SH3KBP1: variants seen among roughly 807,000 people sequenced by gnomAD.
SH3KBP1 encodes SH3 domain containing kinase binding protein 1, also known as SH3 domain-containing kinase-binding protein 1.
A neutral mutation model predicts 50.1 loss-of-function variants in SH3KBP1; 8 were observed. That is an observed-to-expected ratio of 0.16 (90% confidence interval 0.09 to 0.29). The LOEUF (loss-of-function observed/expected upper bound fraction) is 0.29, where lower values mean the gene tolerates loss of function less well. Ranked by LOEUF, SH3KBP1 falls within the 10% of genes least tolerant of loss-of-function variation. SH3KBP1 has a pLI of 1.00. For synonymous variants in SH3KBP1, 227 were observed against 218.6 expected, an observed-to-expected ratio of 1.04 and a Z score of -0.34; for missense variants, 377 against 535.2, an observed-to-expected ratio of 0.70 and a Z score of 2.92.
intron 6 of SH3KBP1, among the ~76,000 whole-genome samples, chrX:19,671,371 A>AACACACACACACACACACAC (rs745414505): frequency 9.8e-6 from 1 of 101,890 alleles, no homozygotes; most frequent in Non-Finnish European, 2.0e-5. Context: ...ATTACTCATA[A>AACACACACACACACACACAC]ACACACACAC....
chrX:19,809,455 C>T (rs754344686), intron 2 of SH3KBP1, among the ~76,000 whole-genome samples: 48 of 109,716 alleles, frequency 4.4e-4, no homozygotes, highest in Non-Finnish European at 6.8e-4. Flanking sequence ...ACCCGGGAGG[C>T]GGAGGTTGCA....
intron 2 of SH3KBP1, among the ~76,000 whole-genome samples, chrX:19,748,407 C>T (rs1023738226): frequency 1.8e-5 from 2 of 111,246 alleles, no homozygotes; most frequent in Non-Finnish European, 3.8e-5. Flanking sequence ...AAGGCTCACC[C>T]CTACTCCCCA....
At chrX:19,746,188 A>C in intron 3 of SH3KBP1, 130 bp downstream of exon 3, 1 of 766,303 alleles carries the variant, frequency 1.3e-6, no homozygotes, top group Non-Finnish European at 1.9e-6. Context: ...GTGTATCCAA[A>C]ATATATACCA....
intron 1 of SH3KBP1, among the ~76,000 whole-genome samples, chrX:19,838,312 A>C (rs1015639816): frequency 7.1e-5 from 8 of 112,388 alleles, no homozygotes; most frequent in Non-Finnish European, 1.5e-4. Flanking sequence ...CCAGAGGGAC[A>C]GTGGAATCAA....
At chrX:19,679,449 A>G (rs1341634583) in intron 6 of SH3KBP1, among the ~76,000 whole-genome samples, 1 of 112,146 alleles carries the variant, frequency 8.9e-6, no homozygotes, top group Non-Finnish European at 1.9e-5. Context: ...GCTGAGGCCA[A>G]CTTCATCGAG....
At chrX:19,590,625 T>C (rs751928364) in intron 11 of SH3KBP1, among the ~76,000 whole-genome samples, 2 of 107,920 alleles carry the variant, frequency 1.9e-5, no homozygotes, top group African/African-American at 6.7e-5. Context: ...GAGGGTGGTG[T>C]CTGGTTATTT....
At chrX:19,568,354 A>C (rs2065910508) in intron 13 of SH3KBP1, among the ~76,000 whole-genome samples, 1 of 112,235 alleles carries the variant, frequency 8.9e-6, no homozygotes, top group Admixed American at 9.4e-5. Context: ...AAAGCAGGTC[A>C]TTTTCCTCTT....
chrX:19,735,289 G>T (rs773388464), intron 3 of SH3KBP1, among the ~76,000 whole-genome samples: 2 of 110,527 alleles, frequency 1.8e-5, no homozygotes, highest in Non-Finnish European at 3.8e-5. Flanking sequence ...ATAGTTTTTC[G>T]ATTCTCTATT....
At chrX:19,701,170 G>A (rs1445268827) in intron 4 of SH3KBP1, among the ~76,000 whole-genome samples, 1 of 111,467 alleles carries the variant, frequency 9.0e-6, no homozygotes, top group Non-Finnish European at 1.9e-5. Flanking sequence ...AAATTCCTAA[G>A]TGAGTCCAAT....
At chrX:19,627,784 C>T (rs2061491017) in intron 8 of SH3KBP1, among the ~76,000 whole-genome samples, 1 of 112,104 alleles carries the variant, frequency 8.9e-6, no homozygotes, top group Non-Finnish European at 1.9e-5. Context: ...CCTGCTACAG[C>T]ACAGAAAAGC....
chrX:19,595,019 T>C lies in SH3KBP1; in HGVS notation c.1006-19A>G. ...TGGGTCTCTGAAAAATTAATAAAAA[T>C]TATACCACATGAGATTGTTGGCAAG... is the stretch of plus-strand genomic sequence containing the variant. On this transcript the variant is annotated intron_variant, in intron 9 of 17. Transcript: ENST00000397821. The C allele has an allele frequency of 8.9e-7, 1 of 1,120,161 alleles. No homozygotes were observed. The highest frequency in any genetic ancestry group is 1.2e-6 in the Non-Finnish European group (1 of 812,085). 92.3% of individuals were successfully genotyped at this position (1,120,161 alleles called of 1,213,427 possible).
intron 6 of SH3KBP1, among the ~76,000 whole-genome samples, chrX:19,682,820 T>C (rs1336393790): frequency 9.3e-6 from 1 of 107,603 alleles, no homozygotes; most frequent in Admixed American, 1.0e-4. Flanking sequence ...CTGGGCAAGG[T>C]TGCTGAGGGC....
At chrX:19,751,013 C>T (rs2065050138) in intron 2 of SH3KBP1, among the ~76,000 whole-genome samples, 1 of 111,537 alleles carries the variant, frequency 9.0e-6, no homozygotes, top group Admixed American at 9.5e-5. Flanking sequence ...CTAAGAAGAA[C>T]CAGTGGCATG....
At chrX:19,761,450 G>A (rs908093409) in intron 2 of SH3KBP1, among the ~76,000 whole-genome samples, 15 of 109,989 alleles carry the variant, frequency 1.4e-4, no homozygotes, top group African/African-American at 4.0e-4. Flanking sequence ...AGCTATATAC[G>A]TAAGTTAATT....
chrX:19,745,240 GA>G (rs991343210), intron 3 of SH3KBP1, among the ~76,000 whole-genome samples: 1 of 112,485 alleles, frequency 8.9e-6, no homozygotes, highest in Non-Finnish European at 1.9e-5. Context: ...AACGAGAAAA[GA>G]AAGAAAATCC....
chrX:19,672,422 ACTAACAC>A (rs1158456287), intron 6 of SH3KBP1, among the ~76,000 whole-genome samples: 1 of 111,916 alleles, frequency 8.9e-6, no homozygotes, highest in Non-Finnish European at 1.9e-5. Context: ...GAGAAACCTG[ACTAACAC>A]CTACGTCAGC....
At chrX:19,835,855 AT>A (rs112441799) in intron 2 of SH3KBP1, among the ~76,000 whole-genome samples, 6,993 of 110,501 alleles carry the variant, frequency 0.063, 484 homozygotes, top group African/African-American at 0.2. Context: ...GAATGCTGGG[AT>A]TTACAGGCAT....
intron 9 of SH3KBP1, among the ~76,000 whole-genome samples, chrX:19,598,876 ATGT>A (rs2066991691): frequency 8.9e-6 from 1 of 112,152 alleles, no homozygotes. Context: ...AAAGTTTGAA[ATGT>A]TGTGAGAATT....
chrX:19,848,099 G>A (rs1603278567), intron 1 of SH3KBP1, among the ~76,000 whole-genome samples: 1 of 112,063 alleles, frequency 8.9e-6, no homozygotes, highest in East Asian at 2.8e-4. Flanking sequence ...AGACTCCTAA[G>A]AATAATGATC....
Sources: gnomAD v4.1 joint callset for allele counts (sites outside exome capture counted in the v4.1 genomes callset) on GRCh38, gnomAD v4.1.1 for gene constraint, MANE v1.5 for transcripts, NCBI Gene and HGNC (gene_info 2026-07-23, HGNC 2026-07-21) for gene names.